Variants in TAS2R1 observed in about 807,000 individuals in gnomAD.
The protein encoded by TAS2R1 is taste 2 receptor member 1, also known as taste receptor type 2 member 1.
For synonymous variants in TAS2R1, 141 were observed against 134.2 expected (o/e 1.05, Z -0.35); for missense variants, 370 against 353.4 (o/e 1.05, Z -0.38).
At chr5:9,769,628 C>T in the TAS2R1 span, among the ~76,000 whole-genome samples, 6 of 152,170 alleles carry the variant, frequency 3.9e-5, no homozygotes, top group African/African-American at 1.2e-4. Flanking sequence ...GATAATATCT[C>T]ATTATAGTTT....
the TAS2R1 span, among the ~76,000 whole-genome samples, chr5:9,865,961 C>T: frequency 6.6e-6 from 1 of 152,162 alleles, no homozygotes; most frequent in Non-Finnish European, 1.5e-5. Flanking sequence ...AAAATACTTG[C>T]CTATGATTAT....
At chr5:9,785,796 C>G in the TAS2R1 span, among the ~76,000 whole-genome samples, 1 of 152,160 alleles carries the variant, frequency 6.6e-6, no homozygotes, top group South Asian at 2.1e-4. Context: ...ACTGAGGACT[C>G]AAACCCTGAA....
At chr5:9,900,924 T>C in the TAS2R1 span, among the ~76,000 whole-genome samples, 3 of 152,202 alleles carry the variant, frequency 2.0e-5, no homozygotes, top group African/African-American at 4.8e-5. Flanking sequence ...ATAATGCTGG[T>C]TGCATTCAGC....
At chr5:9,822,721 A>G in the TAS2R1 span, among the ~76,000 whole-genome samples, 2 of 152,152 alleles carry the variant, frequency 1.3e-5, no homozygotes, top group Non-Finnish European at 2.9e-5. Flanking sequence ...TGCTTTTCAC[A>G]TACAAATTTA....
the TAS2R1 span, among the ~76,000 whole-genome samples, chr5:9,815,586 T>A: frequency 1.1e-4 from 17 of 152,154 alleles, no homozygotes; most frequent in Non-Finnish European, 2.4e-4. Context: ...GACTTCCTTC[T>A]GCTACATTGC....
chr5:9,810,220 G>A, the TAS2R1 span, among the ~76,000 whole-genome samples: 5 of 152,196 alleles, frequency 3.3e-5, no homozygotes. Context: ...GGTCACCGAT[G>A]TCTTTATCTA....
At chr5:9,856,750 C>A in the TAS2R1 span, among the ~76,000 whole-genome samples, 5 of 152,062 alleles carry the variant, frequency 3.3e-5, no homozygotes, top group African/African-American at 1.2e-4. Flanking sequence ...AAAGAAATCA[C>A]CATGAGTAAA....
the TAS2R1 span, among the ~76,000 whole-genome samples, chr5:9,827,598 GCA>G: frequency 0.37 from 54,158 of 147,222 alleles, 10,939 homozygotes; most frequent in Non-Finnish European, 0.47. Flanking sequence ...GTGGTGGCAT[GCA>G]CACACACACA....
the TAS2R1 span, among the ~76,000 whole-genome samples, chr5:9,845,276 T>C: frequency 2.6e-5 from 4 of 152,202 alleles, no homozygotes; most frequent in African/African-American, 9.6e-5. Context: ...GTCAGCAAGC[T>C]GGAAGCAGAT....
the TAS2R1 span, among the ~76,000 whole-genome samples, chr5:9,752,873 T>C: frequency 3.1e-4 from 47 of 152,336 alleles, no homozygotes; most frequent in South Asian, 8.9e-3. Flanking sequence ...ACAAAGGACA[T>C]GAACTCATCC....
At chr5:9,780,231 G>A in the TAS2R1 span, among the ~76,000 whole-genome samples, 95 of 152,166 alleles carry the variant, frequency 6.2e-4, no homozygotes, top group African/African-American at 2.1e-3. Context: ...AATTCTCCTG[G>A]GAAGAGATTT....
chr5:9,903,056 C>T, the TAS2R1 span, among the ~76,000 whole-genome samples: 1 of 152,006 alleles, frequency 6.6e-6, no homozygotes, highest in Non-Finnish European at 1.5e-5. Flanking sequence ...AATGGGTCAT[C>T]CGTCCCCTCA....
chr5:9,788,927 CA>C, the TAS2R1 span, among the ~76,000 whole-genome samples: 51,396 of 152,002 alleles, frequency 0.34, 9,601 homozygotes, highest in Admixed American at 0.44. Context: ...CTCCCCACCA[CA>C]AAAACAGGGG....
At chr5:9,749,741 C>A in the TAS2R1 span, among the ~76,000 whole-genome samples, 1 of 152,164 alleles carries the variant, frequency 6.6e-6, no homozygotes, top group Admixed American at 6.5e-5. Context: ...AAGTCAAGTA[C>A]AAAGAACAAC....
the TAS2R1 span, among the ~76,000 whole-genome samples, chr5:9,890,358 G>A: frequency 6.6e-6 from 1 of 152,228 alleles, no homozygotes; most frequent in African/African-American, 2.4e-5. Flanking sequence ...ACTTAACCCT[G>A]ATATTCCCCC....
At chr5:9,885,853 C>T in the TAS2R1 span, among the ~76,000 whole-genome samples, 1 of 151,876 alleles carries the variant, frequency 6.6e-6, no homozygotes, top group African/African-American at 2.4e-5. Flanking sequence ...ACAAAACTCG[C>T]ACAGTGATCA....
the TAS2R1 span, among the ~76,000 whole-genome samples, chr5:9,785,774 C>T: frequency 7.9e-5 from 12 of 152,240 alleles, no homozygotes; most frequent in South Asian, 4.2e-4. Flanking sequence ...GGGCACACAG[C>T]GTAGTGGGCA....
chr5:9,729,913 T>C, the TAS2R1 span, among the ~76,000 whole-genome samples: 3 of 152,186 alleles, frequency 2.0e-5, no homozygotes, highest in Non-Finnish European at 4.4e-5. Context: ...TCCACAGATA[T>C]TTTCCTATAA....
rs1739825851 is a variant in TAS2R1 at position 9,629,468 on chromosome 5, T to C, written c.565A>G (p.Ile189Val). 2 of 1,614,136 alleles carry C rather than the reference T, an allele frequency of 1.2e-6. No homozygotes were observed. The highest frequency in any genetic ancestry group is 1.1e-5 in the South Asian group (1 of 91,076). Residue 189 changes from isoleucine (I) to valine (V), a missense_variant, in exon 1 of 1, where the codon ATC becomes GTC. By Grantham distance (29) the Ile-to-Val change is conservative (BLOSUM62 3). Coordinates refer to ENST00000382492, the MANE Select transcript of TAS2R1 (RefSeq NM_019599.3). ...FVAEFSVPLL[I>V]FLFAVLLLIF... ...AAGAGCAAAACAGCAAAAAGGAAGA[T>C]AAGCAATGGCACTGAGAACTCAGCA... is the stretch of plus-strand genomic sequence containing the variant.
Sources: gnomAD v4.1 joint callset for allele counts (sites outside exome capture counted in the v4.1 genomes callset) on GRCh38, gnomAD v4.1.1 for gene constraint, MANE v1.5 for transcripts, NCBI Gene and HGNC (gene_info 2026-07-23, HGNC 2026-07-21) for gene names.